The following VWA8 variants were observed in gnomAD, a reference collection of about 807,000 sequenced individuals.
The protein encoded by VWA8 is von Willebrand factor A domain containing 8.
In VWA8, 221 loss-of-function variants were observed where a neutral mutation model predicts 241.5. That is an observed-to-expected ratio of 0.91 (90% CI 0.82 to 1.02). VWA8 has a LOEUF of 1.02. Among genes scored for constraint, VWA8 ranks in the 50% least tolerant of loss-of-function variants. The pLI, the probability that VWA8 is intolerant of heterozygous loss-of-function variation, is 0.00. For missense variants in VWA8, 2,322 were observed against 2,328.7 expected (o/e 1.00, Z 0.06); for synonymous variants, 852 against 827.1 (o/e 1.03, Z -0.52).
At chr13:41,722,033 T>C (rs1049048639) in intron 24 of VWA8, among the ~76,000 whole-genome samples, 26 of 152,336 alleles carry the variant, frequency 1.7e-4, no homozygotes, top group African/African-American at 6.3e-4. Context: ...ATATTTCAAA[T>C]GGTTCTGAGA....
chr13:41,830,922 A>T (rs1871425312), intron 13 of VWA8, among the ~76,000 whole-genome samples: 1 of 152,142 alleles, frequency 6.6e-6, no homozygotes, highest in South Asian at 2.1e-4. Context: ...GGAGAGCAAA[A>T]GAAACAGCTG....
chr13:41,840,963 G>A (rs1341285821), intron 12 of VWA8, among the ~76,000 whole-genome samples: 2 of 152,044 alleles, frequency 1.3e-5, no homozygotes, highest in Non-Finnish European at 2.9e-5. Flanking sequence ...CAAGTGCCAG[G>A]TACTTTGCAT....
intron 10 of VWA8, 112 bp from the exon 11 acceptor site, chr13:41,866,148 G>A: frequency 7.4e-7 from 1 of 1,355,212 alleles, no homozygotes; most frequent in Non-Finnish European, 1.0e-6. Flanking sequence ...AGTAGTTCGA[G>A]ACCAGCCTGG....
chr13:41,625,589 C>A (rs557390346), intron 37 of VWA8, among the ~76,000 whole-genome samples: 1 of 152,088 alleles, frequency 6.6e-6, no homozygotes, highest in African/African-American at 2.4e-5. Flanking sequence ...ACAACAGGTG[C>A]GGGAGAGGAT....
At chr13:41,906,716 T>A (rs1593860362) in intron 4 of VWA8, among the ~76,000 whole-genome samples, 1 of 152,298 alleles carries the variant, frequency 6.6e-6, no homozygotes, top group East Asian at 1.9e-4. Context: ...TCTAGAAACA[T>A]AACTGTTGAG....
chr13:41,675,425 C>A, intron 35 of VWA8, 129 bp from the exon 36 acceptor site: 1 of 588,036 alleles, frequency 1.7e-6, no homozygotes, highest in South Asian at 2.3e-5. Flanking sequence ...GGTACTGGGT[C>A]AACCCTCATG....
intron 21 of VWA8, among the ~76,000 whole-genome samples, chr13:41,760,302 C>T (rs35228381): frequency 3.3e-5 from 5 of 151,760 alleles, no homozygotes; most frequent in Admixed American, 3.3e-4. Context: ...CTCAGCTTTC[C>T]CTGAGTCCTT....
chr13:41,612,147 GAAC>G (rs755368192), intron 38 of VWA8, among the ~76,000 whole-genome samples: 14 of 152,136 alleles, frequency 9.2e-5, no homozygotes, highest in Non-Finnish European at 7.4e-5. Context: ...CTAATTAAAT[GAAC>G]AACTGTTTCC....
In VWA8 at chr13:41,960,952, T is replaced by C. The variant is rs922002218; in HGVS notation, c.64A>G (p.Met22Val). 6.8e-6 allele frequency: 10 copies of C among 1,467,194 alleles called. No homozygotes were observed. Among genetic ancestry groups the C allele is most frequent in the Non-Finnish European group, 8.9e-6 (10 of 1,117,580 alleles). 90.9% of individuals were successfully genotyped at this position (1,467,194 alleles called of 1,614,324 possible). A position where few individuals can be genotyped will look rare whatever the true frequency, so the allele number is the denominator to read the frequency against. Residue 22 changes from methionine to valine, a missense_variant, in exon 1 of 45, where the codon ATG becomes GTG. By Grantham distance (21) the Met-to-Val change is conservative. Transcript: ENST00000379310. The part of the protein sequence containing the change: ...GGHGGPASRR[M>V]RLLLRQVVQR... The stretch of plus-strand genomic sequence containing the variant: ...ACCACCTGCCGCAGGAGCAGCCGCA[T>C]GCGCCGCGAGGCCGGGCCGCCGTGG...
chr13:41,761,737 G>A (rs541894130), intron 20 of VWA8, among the ~76,000 whole-genome samples: 1 of 152,076 alleles, frequency 6.6e-6, no homozygotes, highest in Non-Finnish European at 1.5e-5. Flanking sequence ...TAAAACCAAG[G>A]TGTATTAATA....
intron 37 of VWA8, among the ~76,000 whole-genome samples, chr13:41,660,980 T>C (rs563656186): frequency 6.6e-6 from 1 of 151,928 alleles, no homozygotes; most frequent in Non-Finnish European, 1.5e-5. Context: ...ATTCTCCTGC[T>C]TCAGCCTCCC....
At chr13:41,878,064 T>G (rs1280890801) in intron 9 of VWA8, among the ~76,000 whole-genome samples, 1 of 152,122 alleles carries the variant, frequency 6.6e-6, no homozygotes, top group Non-Finnish European at 1.5e-5. Flanking sequence ...ACACTAAAAT[T>G]TAAATGGATT....
chr13:41,949,348 C>T (rs189205990), intron 2 of VWA8, among the ~76,000 whole-genome samples: 124 of 152,080 alleles, frequency 8.2e-4, no homozygotes, highest in African/African-American at 2.8e-3. Context: ...AACTGGAAAC[C>T]ATCATTCTCA....
intron 17 of VWA8, among the ~76,000 whole-genome samples, chr13:41,795,821 G>A (rs1193671039): frequency 6.6e-6 from 1 of 152,098 alleles, no homozygotes; most frequent in Non-Finnish European, 1.5e-5. Context: ...GAGAGCATCA[G>A]GAAGAATAGC....
At chr13:41,568,781 CCT>C (rs2044280183) in intron 44 of VWA8, among the ~76,000 whole-genome samples, 3 of 152,112 alleles carry the variant, frequency 2.0e-5, no homozygotes, top group African/African-American at 4.8e-5. Flanking sequence ...TCTTTCTTTG[CCT>C]CTCTCTCTTT....
chr13:41,928,187 A>T (rs1411823163), intron 2 of VWA8, among the ~76,000 whole-genome samples: 2 of 152,224 alleles, frequency 1.3e-5, no homozygotes, highest in Admixed American at 1.3e-4. Context: ...AACAAAGGAT[A>T]TATCAACCAG....
At chr13:41,593,079 A>T (rs1306395903) in intron 40 of VWA8, among the ~76,000 whole-genome samples, 2 of 152,210 alleles carry the variant, frequency 1.3e-5, no homozygotes, top group East Asian at 1.9e-4. Context: ...TTGGAAATAC[A>T]AAGCCACTAA....
At chr13:41,617,854 G>A (rs2044631467) in intron 37 of VWA8, among the ~76,000 whole-genome samples, 1 of 151,844 alleles carries the variant, frequency 6.6e-6, no homozygotes, top group South Asian at 2.1e-4. Context: ...ATTCCATGGT[G>A]TATATGTGCC....
chr13:41,669,301 C>T (rs751144642), intron 37 of VWA8, among the ~76,000 whole-genome samples: 17 of 152,210 alleles, frequency 1.1e-4, no homozygotes, highest in Admixed American at 6.5e-5. Flanking sequence ...TATATATCCT[C>T]ATTCAATAAA....
Sources: allele counts gnomAD v4.1 joint callset (sites outside exome capture counted in the v4.1 genomes callset), GRCh38; gene constraint gnomAD v4.1.1; transcripts MANE v1.5; gene names NCBI Gene and HGNC (gene_info 2026-07-23, HGNC 2026-07-21).